Variants in NUP133 observed in about 807,000 individuals in gnomAD.
The protein encoded by NUP133 is nucleoporin 133, also known as nuclear pore complex protein Nup133.
In NUP133, 66 loss-of-function variants were observed where a neutral mutation model predicts 146.2. That is an observed-to-expected ratio of 0.45 (90% CI 0.37 to 0.55). NUP133 has a LOEUF of 0.55. Ranked by LOEUF, NUP133 falls within the 20% of genes least tolerant of loss-of-function variation. The pLI is 0.00. For synonymous variants in NUP133, 521 were observed against 498.8 expected, an observed-to-expected ratio of 1.04 and a Z score of -0.59; for missense variants, 1,277 against 1,374.8, an observed-to-expected ratio of 0.93 and a Z score of 1.12.
At chr1:229,489,745 C>G (rs1435395550) in intron 9 of NUP133, among the ~76,000 whole-genome samples, 1 of 152,202 alleles carries the variant, frequency 6.6e-6, no homozygotes, top group Non-Finnish European at 1.5e-5. Flanking sequence ...GTGGCACATG[C>G]CTACAGTCCC....
intron 25 of NUP133, among the ~76,000 whole-genome samples, chr1:229,442,714 CTT>C (rs67964058): frequency 0.04 from 4,994 of 126,420 alleles, 240 homozygotes; most frequent in African/African-American, 0.12. Context: ...TTTTTTGGTT[CTT>C]TTTTTTTTTT....
At chr1:229,505,075 G>C (rs187161742) in intron 2 of NUP133, among the ~76,000 whole-genome samples, 3 of 152,140 alleles carry the variant, frequency 2.0e-5, no homozygotes, top group African/African-American at 4.8e-5. Flanking sequence ...ATCAGCTATC[G>C]TAAGTGTATT....
chr1:229,471,714 T>A (rs1660960336), intron 14 of NUP133, among the ~76,000 whole-genome samples: 1 of 152,232 alleles, frequency 6.6e-6, no homozygotes, highest in Non-Finnish European at 1.5e-5. Flanking sequence ...TTTCACATTT[T>A]AAGTATAATT....
rs574283290 is a variant in NUP133, at chr1:229,494,337, C to T, written c.1046+1158G>A. On this transcript the variant is annotated intron_variant, in intron 8 of 25. Coordinates refer to ENST00000261396, the MANE Select transcript of NUP133 (RefSeq NM_018230.3). Reference sequence around the variant, plus strand: ...AGGTTTTCAGAGACTGTAAAGGGGCCTATAATAATAGTCTAAACAGTCCAA... The same window carrying T: ...AGGTTTTCAGAGACTGTAAAGGGGCTTATAATAATAGTCTAAACAGTCCAA... Among the ~76,000 whole-genome samples, 19 of 152,182 alleles carry T rather than the reference C, an allele frequency of 1.2e-4. No individual in the cohort carries two copies. The South Asian group carries it at 3.1e-3, about 25-fold the overall frequency.
chr1:229,474,361 C>T (rs77616176), intron 14 of NUP133, among the ~76,000 whole-genome samples: 1 of 152,060 alleles, frequency 6.6e-6, no homozygotes, highest in Non-Finnish European at 1.5e-5. Flanking sequence ...ACGACCATAT[C>T]GGGAGAAAAT....
chr1:229,457,199 A>G (rs536138461), intron 21 of NUP133, among the ~76,000 whole-genome samples: 19 of 152,120 alleles, frequency 1.2e-4, no homozygotes, highest in East Asian at 1.9e-4. Context: ...CAATACATGT[A>G]TATGTTGTGT....
chr1:229,446,638 G>T (rs545648507), intron 24 of NUP133, among the ~76,000 whole-genome samples: 6 of 152,016 alleles, frequency 3.9e-5, no homozygotes, highest in African/African-American at 1.4e-4. Flanking sequence ...GGAGGCTGAG[G>T]CGGGAGAATG....
intron 21 of NUP133, 78 bp downstream of exon 21, chr1:229,458,083 T>C (rs1411171828): frequency 6.9e-7 from 1 of 1,442,420 alleles, no homozygotes; most frequent in East Asian, 2.3e-5. Context: ...TAGATCCTGC[T>C]AACTGATGAC....
chr1:229,494,924 G>C (rs1661615830), intron 8 of NUP133, among the ~76,000 whole-genome samples: 3 of 152,208 alleles, frequency 2.0e-5, no homozygotes, highest in Non-Finnish European at 2.9e-5. Flanking sequence ...AAGAAGAGAA[G>C]CTCTAGCTGT....
At chr1:229,497,168 G>A (rs1661675448) in intron 6 of NUP133, among the ~76,000 whole-genome samples, 1 of 152,150 alleles carries the variant, frequency 6.6e-6, no homozygotes, top group South Asian at 2.1e-4. Context: ...AAGAGTATAG[G>A]TTAGGGCATA....
In NUP133 at chr1:229,460,786, A is replaced by G; in HGVS notation, c.2686-17T>C. 6.3e-7 allele frequency: 1 copy of G among 1,595,438 alleles called. No homozygotes were observed. Among genetic ancestry groups the G allele is most frequent in the Non-Finnish European group, 8.6e-7 (1 of 1,169,216 alleles). On this transcript the variant is annotated splice_polypyrimidine_tract_variant and intron_variant, in intron 19 of 25. Coordinates refer to ENST00000261396, the MANE Select transcript of NUP133 (RefSeq NM_018230.3). ...TGAAAAATTCTACAAATAACAGAAC[A>G]TAGAATTCATTCATAATAGTTTAAA... is the stretch of plus-strand genomic sequence containing the variant.
At chr1:229,449,468 A>C (rs981840070) in intron 23 of NUP133, among the ~76,000 whole-genome samples, 2 of 151,706 alleles carry the variant, frequency 1.3e-5, no homozygotes, top group African/African-American at 4.8e-5. Context: ...CCCTAGTTCA[A>C]GCAATTCCCC....
intron 9 of NUP133, among the ~76,000 whole-genome samples, chr1:229,489,602 G>A (rs770751121): frequency 3.9e-5 from 6 of 152,230 alleles, no homozygotes; most frequent in Admixed American, 3.9e-4. Context: ...CACGCAAGGT[G>A]GCTCACACCT....
rs1423498957 is a variant in NUP133, at chr1:229,486,414, A to C, written c.1457T>G (p.Leu486Trp). 1.2e-6 allele frequency: 2 copies of C among 1,608,172 alleles called. No homozygotes were observed. Among genetic ancestry groups the C allele is most frequent in the Non-Finnish European group, 8.5e-7 (1 of 1,178,432 alleles). ...AACTGAAGATGCTAAAGACCCTTCC[A>C]AGTCTTCTGCCAATATAGACACATT... ...RENVSILAED[L>W]EGSLASSVAG... Residue 486 changes from leucine to tryptophan, a missense_variant, in exon 11 of 26, where the codon TTG (leucine) becomes TGG (tryptophan). Leu to Trp is a moderately conservative substitution (Grantham distance 61). Around this residue, in one of 3 missense-constraint regions of NUP133, gnomAD observed 952 missense variants for 1,047.0 expected, o/e 0.91. Coordinates refer to ENST00000261396, the MANE Select transcript of NUP133 (RefSeq NM_018230.3).
chr1:229,447,353 T>C (rs1015853625), intron 24 of NUP133, among the ~76,000 whole-genome samples: 5 of 152,332 alleles, frequency 3.3e-5, no homozygotes, highest in Admixed American at 1.3e-4. Context: ...TATAAAACCA[T>C]TTGACATATA....
At chr1:229,497,807 A>G (rs1661691439) in intron 6 of NUP133, among the ~76,000 whole-genome samples, 1 of 152,240 alleles carries the variant, frequency 6.6e-6, no homozygotes, top group Admixed American at 6.5e-5. Flanking sequence ...AGACAGCTGG[A>G]GGCATGAGTA....
chr1:229,498,637 T>C (rs975605057), intron 5 of NUP133, among the ~76,000 whole-genome samples: 3 of 151,928 alleles, frequency 2.0e-5, no homozygotes, highest in Non-Finnish European at 2.9e-5. Flanking sequence ...GCACCTGTAA[T>C]CCCAGCCACT....
intron 23 of NUP133, among the ~76,000 whole-genome samples, chr1:229,449,851 T>TATATATATATATATATATATATATATATA (rs1660401047): frequency 3.0e-5 from 2 of 67,618 alleles, no homozygotes; most frequent in African/African-American, 1.4e-4. Flanking sequence ...TATGAAGATT[T>TATATATATATATATATATATATATATATA]TATATATATA....
At chr1:229,463,834 T>C (rs1660750840) in intron 18 of NUP133, among the ~76,000 whole-genome samples, 158 bp from the exon 19 acceptor site, 1 of 152,168 alleles carries the variant, frequency 6.6e-6, no homozygotes, top group African/African-American at 2.4e-5. Context: ...GTTTCACAAT[T>C]CACATCAATT....
Sources: gnomAD v4.1 joint callset for allele counts (sites outside exome capture counted in the v4.1 genomes callset) on GRCh38, gnomAD v4.1.1 for gene constraint, gnomAD v4.1.1 regional missense constraint, MANE v1.5 for transcripts, NCBI Gene and HGNC (gene_info 2026-07-23, HGNC 2026-07-21) for gene names.